SND1: variants seen among roughly 807,000 people sequenced by gnomAD.
The protein encoded by SND1 is staphylococcal nuclease and tudor domain containing 1, also known as staphylococcal nuclease domain-containing protein 1.
A neutral mutation model predicts 121.7 loss-of-function variants in SND1; 38 were observed. That is an observed-to-expected ratio of 0.31 (90% CI 0.24 to 0.41). The LOEUF (loss-of-function observed/expected upper bound fraction) is 0.41. Among genes scored for constraint, SND1 ranks in the 10% least tolerant of loss-of-function variants. The probability of loss-of-function intolerance (pLI) is 1.00; values close to 1 mark genes in which losing one functional copy is unlikely to be tolerated. For synonymous variants in SND1, 401 were observed against 447.4 expected (o/e 0.90, Z 1.31); for missense variants, 868 against 1,184.6 (o/e 0.73, Z 3.92).
chr7:127,923,028 A>C (rs932378171), intron 14 of SND1, among the ~76,000 whole-genome samples: 3 of 152,290 alleles, frequency 2.0e-5, no homozygotes, highest in South Asian at 4.2e-4. Context: ...CTAGAGTGTC[A>C]CCCAGGGTAG....
At chr7:127,991,657 C>T (rs918759204) in intron 16 of SND1, among the ~76,000 whole-genome samples, 2 of 152,102 alleles carry the variant, frequency 1.3e-5, no homozygotes, top group African/African-American at 2.4e-5. Flanking sequence ...AAAGGAGCAG[C>T]AGGGAGGTGT....
rs1342803112 is a variant in SND1, at chr7:128,029,488, A to G, written c.1779+38432A>G. ...CTGAGCACTGTCCCATTGGGCAGCA[A>G]CCACTTCACGGAGGACATAGGGGGA... On this transcript the variant is annotated intron_variant, in intron 16 of 23. Transcript: ENST00000354725. This position sits in a 1 kb window ranked among gnomAD's most constrained non-coding sequence, Gnocchi z 4.2. The G allele has an allele frequency of 4.3e-6, 7 of 1,613,954 alleles. No individual in the cohort carries two copies. The Admixed American group carries it at 5.0e-5, about 12-fold the overall frequency.
In SND1 at chr7:128,029,814, T is replaced by C. The variant is rs1792525761; in HGVS notation, c.1779+38758T>C. ...GTCATGGGGCAAAGAAGAGAGGTTA[T>C]TGTGGGCCAAGTTGAGTTCCACAAG... On this transcript the variant is annotated intron_variant, in intron 16 of 23. Coordinates refer to ENST00000354725, the MANE Select transcript of SND1 (RefSeq NM_014390.4). This position sits in a 1 kb window ranked among gnomAD's most constrained non-coding sequence, Gnocchi z 4.2. 1 of 1,613,608 alleles carries C rather than the reference T, an allele frequency of 6.2e-7. No individual in the cohort carries two copies.
At chr7:128,038,128 A>C (rs1450522684) in intron 16 of SND1, among the ~76,000 whole-genome samples, 2 of 152,250 alleles carry the variant, frequency 1.3e-5, no homozygotes, top group African/African-American at 4.8e-5. Flanking sequence ...ATCCATGCCT[A>C]TGCTTACAAT....
chr7:128,024,622 G>A (rs1238827274), intron 16 of SND1, among the ~76,000 whole-genome samples: 1 of 152,158 alleles, frequency 6.6e-6, no homozygotes, highest in Non-Finnish European at 1.5e-5. Context: ...GTTGTTCCAC[G>A]GCACTCAGCA....
intron 10 of SND1, among the ~76,000 whole-genome samples, chr7:127,789,605 GC>G (rs1797874393): frequency 6.6e-6 from 1 of 152,194 alleles, no homozygotes. Flanking sequence ...ACACGTGTCT[GC>G]TTTTAAGGAA....
At chr7:128,028,953 G>A (rs1357196629) in intron 16 of SND1, 1 of 1,608,308 alleles carries the variant, frequency 6.2e-7, no homozygotes, top group Non-Finnish European at 8.5e-7. Context: ...AACAGTCCGG[G>A]CGGCTGTGAC....
rs549443832 is a variant in SND1, at chr7:127,898,189, T to C, written c.1455-6558T>C. ...CCCAGCACAATAGCATGTATCTTCA[T>C]TCCTTCCTTATATTAGCTTTAGACG... On this transcript the variant is annotated intron_variant, in intron 13 of 23. Transcript: ENST00000354725. Among the ~76,000 whole-genome samples, 4 of 152,194 alleles carry C rather than the reference T, an allele frequency of 2.6e-5. No homozygotes were observed. In the South Asian group the frequency reaches 8.3e-4, roughly 32 times the overall value.
rs575148903 is a variant in SND1, at chr7:127,813,546, TTTGTTG to T, written c.1242+5991_1242+5996del. Among the ~76,000 whole-genome samples, 8 of 152,180 alleles carry T rather than the reference TTTGTTG, an allele frequency of 5.3e-5. No homozygotes were observed. In the South Asian group the frequency reaches 6.2e-4, roughly 12 times the overall value. ...CACATTTCTTTGGTGAAGTGTGTTA[TTTGTTG>T]TTGTTGTTGTTGTTGTTTTCTTGAA... On this transcript the variant is annotated intron_variant, in intron 11 of 23. Coordinates refer to ENST00000354725, the MANE Select transcript of SND1 (RefSeq NM_014390.4).
intron 18 of SND1, among the ~76,000 whole-genome samples, chr7:128,083,933 AAAGCAGCAAAT>A (rs1241081062): frequency 6.6e-6 from 1 of 152,180 alleles, no homozygotes; most frequent in Non-Finnish European, 1.5e-5. Context: ...AAAACAGGCA[AAAGCAGCAAAT>A]AAGCAGCAGG....
At position 128,029,249 on chromosome 7, in the gene SND1, G is replaced by C. The variant is rs764702274; in HGVS notation, c.1779+38193G>C. 1.2e-6 allele frequency: 2 copies of C among 1,614,176 alleles called. No homozygotes were observed. The highest frequency in any genetic ancestry group is 2.2e-5 in the East Asian group (1 of 44,880). On this transcript the variant is annotated intron_variant, in intron 16 of 23. Transcript: ENST00000354725. This position sits in a 1 kb window ranked among gnomAD's most constrained non-coding sequence, Gnocchi z 4.2. ...ACTTTCGCGTTGTGTCCTCAGGCGAGATCTCCGTGGTCTCCACTGTTACTG... is the reference window on the plus strand; with the variant it reads ...ACTTTCGCGTTGTGTCCTCAGGCGACATCTCCGTGGTCTCCACTGTTACTG...
At position 128,089,654 on chromosome 7, in the gene SND1, A is replaced by G; in HGVS notation, c.2584A>G (p.Met862Val). The G allele has an allele frequency of 1.9e-6, 3 of 1,614,208 alleles. No homozygotes were observed. The highest frequency in any genetic ancestry group is 2.5e-6 in the Non-Finnish European group (3 of 1,180,032). The change falls in exon 22 of 24, where the codon ATG (methionine) becomes GTG (valine). Residue 862 changes from methionine (M) to valine (V), a missense_variant. Around this residue, in one of 2 missense-constraint regions of SND1, gnomAD observed 743 missense variants for 1,071.3 expected, o/e 0.69. Coordinates refer to ENST00000354725, the MANE Select transcript of SND1 (RefSeq NM_014390.4). ...GLGLVKEGLV[M>V]VEVRKEKQFQ... ...GGGCTTGGTGAAGGAAGGGCTGGTC[A>G]TGGTGGAGGTGCGCAAGGAGAAACA...
Position 127,662,387 on chromosome 7 carries a change from G to A in SND1, c.78+9936G>A, listed in dbSNP as rs147410749. On this transcript the variant is annotated intron_variant, in intron 1 of 23. Transcript: ENST00000354725. The stretch of plus-strand genomic sequence containing the variant: ...TTGAGCGGTATTCCACAGTTTGGAT[G>A]TATATTATCTATTTTTCTGTTGATA... Among the ~76,000 whole-genome samples the A allele has an allele frequency of 4.1e-3, 628 of 152,184 alleles. 4 individuals carry two copies. The highest frequency in any genetic ancestry group is 6.6e-3 in the Admixed American group (101 of 15,286).
chr7:127,906,742 C>T (rs372278287), intron 14 of SND1, among the ~76,000 whole-genome samples: 1 of 152,178 alleles, frequency 6.6e-6, no homozygotes, highest in Non-Finnish European at 1.5e-5. Flanking sequence ...GGTTCAGGCA[C>T]ACCAGTCTCA....
At chr7:127,703,346 G>A (rs765751341) in intron 7 of SND1, 23 bp downstream of exon 7, 1 of 1,612,074 alleles carries the variant, frequency 6.2e-7, no homozygotes, top group Admixed American at 1.7e-5. Context: ...GTGCAGACTG[G>A]GTGGTGATGG....
At chr7:127,808,309 T>A (rs1033561697) in intron 11 of SND1, among the ~76,000 whole-genome samples, 1 of 152,060 alleles carries the variant, frequency 6.6e-6, no homozygotes, top group African/African-American at 2.4e-5. Context: ...ACTGCAGGTA[T>A]GCACCACCAC....
intron 16 of SND1, among the ~76,000 whole-genome samples, chr7:128,063,336 C>T (rs1335040951): frequency 6.6e-6 from 1 of 152,206 alleles, no homozygotes; most frequent in Non-Finnish European, 1.5e-5. Flanking sequence ...AAAACAGCCC[C>T]TTCTGTTCAT....
rs540222034 is a variant in SND1 at position 127,674,092 on chromosome 7, C to G, written c.79-12521C>G. ...TGTCTTCCTGTCTTCCTGCCTTCCT[C>G]TCTCCCTTCCTGCCTTGCTCTCTCC... On this transcript the variant is annotated intron_variant, in intron 1 of 23. Coordinates refer to ENST00000354725, the MANE Select transcript of SND1 (RefSeq NM_014390.4). 2.2e-4 allele frequency among the ~76,000 whole-genome samples: 33 copies of G among 151,578 alleles called. No homozygotes were observed. The South Asian group carries it at 6.9e-3, about 32-fold the overall frequency.
Position 127,703,273 on chromosome 7 carries a change from A to G in SND1, c.790A>G (p.Ile264Val), listed in dbSNP as rs749222871. ...ACTGCTTCAGAGAGATGTTCAGATC[A>G]TTCTGGAGAGCTGCCACAACCAGAA... ...SRLLQRDVQI[I>V]LESCHNQNIL... Residue 264 changes from isoleucine (I) to valine (V), a missense_variant, in exon 7 of 24, where the codon ATT (isoleucine) becomes GTT (valine). By Grantham distance (29) the Ile-to-Val change is conservative. Transcript: ENST00000354725. 1.2e-6 allele frequency: 2 copies of G among 1,614,168 alleles called. No individual in the cohort carries two copies. Among genetic ancestry groups the G allele is most frequent in the Admixed American group, 1.7e-5 (1 of 60,032 alleles).
Sources: allele counts gnomAD v4.1 joint callset (sites outside exome capture counted in the v4.1 genomes callset), GRCh38; gene constraint gnomAD v4.1.1; regional missense constraint gnomAD v4.1.1; non-coding constraint Gnocchi (gnomAD v3.1); transcripts MANE v1.5; gene names NCBI Gene and HGNC (gene_info 2026-07-23, HGNC 2026-07-21).